GLI3: variants seen among roughly 807,000 people sequenced by gnomAD.
GLI3 encodes GLI family zinc finger 3, also known as transcription activator GLI3.
In GLI3, 20 loss-of-function variants were observed where a neutral mutation model predicts 100.8. The observed-to-expected ratio is 0.20, with a 90% CI of 0.14 to 0.29. GLI3 has a LOEUF of 0.29. Ranked by LOEUF, GLI3 falls within the 10% of genes least tolerant of loss-of-function variation. The pLI is 1.00. For synonymous variants in GLI3, 938 were observed against 860.5 expected (o/e 1.09, Z -1.58); for missense variants, 2,040 against 2,128.5 (o/e 0.96, Z 0.82).
intron 2 of GLI3, among the ~76,000 whole-genome samples, chr7:42,150,521 C>G (rs1431146343): frequency 6.6e-6 from 1 of 152,120 alleles, no homozygotes; most frequent in Non-Finnish European, 1.5e-5. Context: ...CTGTATAAAG[C>G]CTTTATTTCA....
At chr7:42,085,459 C>A (rs1008512436) in intron 3 of GLI3, among the ~76,000 whole-genome samples, 1 of 152,074 alleles carries the variant, frequency 6.6e-6, no homozygotes, top group Non-Finnish European at 1.5e-5. Context: ...ATTCCCAAAA[C>A]GTTATTATTA....
chr7:42,156,703 G>C (rs1787012394), intron 2 of GLI3, among the ~76,000 whole-genome samples: 1 of 152,172 alleles, frequency 6.6e-6, no homozygotes, highest in Non-Finnish European at 1.5e-5. Flanking sequence ...CCCAGCCCCT[G>C]TGTGGCCAGA....
chr7:42,150,259 T>C (rs780427977), intron 2 of GLI3: 1 of 152,228 alleles, frequency 6.6e-6, no homozygotes, highest in Non-Finnish European at 1.5e-5. Context: ...AAGCAATTCA[T>C]ACCATGCTCC....
At chr7:42,144,253 G>A (rs1012065289) in intron 3 of GLI3, among the ~76,000 whole-genome samples, 1 of 152,198 alleles carries the variant, frequency 6.6e-6, no homozygotes, top group Non-Finnish European at 1.5e-5. Flanking sequence ...TCTTTGGGCA[G>A]AGGATGGGGC....
intron 1 of GLI3, among the ~76,000 whole-genome samples, chr7:42,260,714 T>C (rs1018530472): frequency 1.3e-5 from 2 of 152,178 alleles, no homozygotes; most frequent in African/African-American, 2.4e-5. Flanking sequence ...TGTATCTCAA[T>C]GAAAGGTGAT....
chr7:42,193,598 T>TG (rs1787870941), intron 2 of GLI3, among the ~76,000 whole-genome samples: 1 of 152,238 alleles, frequency 6.6e-6, no homozygotes. Flanking sequence ...CAGAGGTTTT[T>TG]GTGTTTTATG....
chr7:42,156,241 C>A (rs192609064), intron 2 of GLI3, among the ~76,000 whole-genome samples: 1 of 152,160 alleles, frequency 6.6e-6, no homozygotes, highest in Non-Finnish European at 1.5e-5. Context: ...AAGCTCTTGC[C>A]AAGACTCTTT....
chr7:41,983,393 A>T (rs1787728549), intron 10 of GLI3, among the ~76,000 whole-genome samples: 1 of 152,222 alleles, frequency 6.6e-6, no homozygotes. Flanking sequence ...TAAGAAAAAA[A>T]AACACATTCT....
chr7:42,219,119 C>T, intron 2 of GLI3, among the ~76,000 whole-genome samples: 1 of 152,200 alleles, frequency 6.6e-6, no homozygotes. Flanking sequence ...AGTCTTCACA[C>T]ATTAATGGAC....
At chr7:42,222,784 C>T in intron 2 of GLI3, 1 of 292,704 alleles carries the variant, frequency 3.4e-6, no homozygotes, top group East Asian at 8.3e-5. Context: ...ACTAATTATT[C>T]CGAGTAGTGT....
chr7:42,070,905 T>G (rs1014062270), intron 4 of GLI3, among the ~76,000 whole-genome samples: 2 of 152,134 alleles, frequency 1.3e-5, no homozygotes, highest in Non-Finnish European at 2.9e-5. Flanking sequence ...GAAATTAGTT[T>G]GACAGTGGAG....
intron 1 of GLI3, among the ~76,000 whole-genome samples, chr7:42,261,208 C>CACACA (rs1660074602): frequency 6.6e-6 from 1 of 151,692 alleles, no homozygotes. Context: ...CAAACACACA[C>CACACA]ACACACACAC....
At chr7:42,100,681 T>A (rs935687210) in intron 3 of GLI3, among the ~76,000 whole-genome samples, 9 of 151,884 alleles carry the variant, frequency 5.9e-5, no homozygotes, top group African/African-American at 2.2e-4. Flanking sequence ...GGCGAAGGTT[T>A]CAGTGAGCTG....
intron 10 of GLI3, among the ~76,000 whole-genome samples, chr7:42,009,167 G>A (rs1788539811): frequency 1.3e-5 from 2 of 152,138 alleles, no homozygotes; most frequent in Admixed American, 6.5e-5. Context: ...TGCCTTGGCC[G>A]TAGTTTCTTA....
At chr7:42,242,570 C>T (rs1045500836), upstream of GLI3, among the ~76,000 whole-genome samples, 4 of 152,172 alleles carry the variant, frequency 2.6e-5, no homozygotes, top group African/African-American at 9.7e-5. Context: ...TCCTTCTATT[C>T]AGTGCCCAAC....
intron 10 of GLI3, among the ~76,000 whole-genome samples, chr7:42,009,556 A>G (rs187154399): frequency 4.8e-5 from 7 of 146,812 alleles, no homozygotes; most frequent in East Asian, 2.0e-4. Context: ...AAGGAATTGC[A>G]GTCCTGACGT....
At chr7:42,047,836 G>T (rs1784275117) in intron 5 of GLI3, among the ~76,000 whole-genome samples, 1 of 152,164 alleles carries the variant, frequency 6.6e-6, no homozygotes, top group South Asian at 2.1e-4. Context: ...ACAGGCAACA[G>T]CCCTGGACCA....
chr7:41,977,192 T>A (rs1787535183), intron 12 of GLI3, among the ~76,000 whole-genome samples: 1 of 152,232 alleles, frequency 6.6e-6, no homozygotes, highest in African/African-American at 2.4e-5. Context: ...TCTTAATATA[T>A]CCTTGGGGCT....
chr7:42,259,637 A>T (rs10281529), intron 1 of GLI3, among the ~76,000 whole-genome samples: 10,107 of 152,254 alleles, frequency 0.066, 557 homozygotes, highest in African/African-American at 0.16. Flanking sequence ...TTTCTGCATG[A>T]TAGAAAATTA....
Sources: gnomAD v4.1 joint callset for allele counts (sites outside exome capture counted in the v4.1 genomes callset) on GRCh38, gnomAD v4.1.1 for gene constraint, MANE v1.5 for transcripts, NCBI Gene and HGNC (gene_info 2026-07-23, HGNC 2026-07-21) for gene names.